The following MKLN1 variants were observed in gnomAD, a reference collection of about 807,000 sequenced individuals.
MKLN1 encodes muskelin.
In MKLN1, 18 loss-of-function variants were observed where a neutral mutation model predicts 99.0. The ratio of observed to expected loss-of-function variants is 0.18; its 90% CI spans 0.13 to 0.27. The LOEUF is 0.27. Among genes scored for constraint, MKLN1 ranks in the 10% least tolerant of loss-of-function variants. The pLI is 1.00. For missense variants in MKLN1, 621 were observed against 875.9 expected (o/e 0.71, Z 3.67); for synonymous variants, 288 against 293.2 (o/e 0.98, Z 0.18).
intron 1 of MKLN1, among the ~76,000 whole-genome samples, chr7:131,363,666 T>C (rs1800093766): frequency 6.6e-6 from 1 of 151,990 alleles, no homozygotes; most frequent in Non-Finnish European, 1.5e-5. Context: ...GAATAGACTT[T>C]TTCTTTATTT....
chr7:131,173,211 G>A (rs1297551324), intron 2 of MKLN1, among the ~76,000 whole-genome samples: 3 of 151,152 alleles, frequency 2.0e-5, no homozygotes, highest in Non-Finnish European at 4.4e-5. Context: ...TAGCTATCTG[G>A]GAGTGACGAA....
intron 17 of MKLN1, 38 bp downstream of exon 17, chr7:131,478,715 T>A (rs562009835): frequency 3.7e-6 from 6 of 1,604,488 alleles, no homozygotes; most frequent in African/African-American, 1.3e-5. Context: ...CTAGATGCCC[T>A]AGCATTTGGA....
intron 2 of MKLN1, among the ~76,000 whole-genome samples, chr7:131,193,528 A>C (rs745882938): frequency 1.3e-5 from 2 of 151,748 alleles, no homozygotes; most frequent in African/African-American, 2.4e-5. Flanking sequence ...CACCATGACG[A>C]GCCAAGTTGT....
At chr7:131,476,934 G>C (rs1012687736) in intron 16 of MKLN1, among the ~76,000 whole-genome samples, 1 of 152,202 alleles carries the variant, frequency 6.6e-6, no homozygotes, top group African/African-American at 2.4e-5. Flanking sequence ...AGACCCATAC[G>C]TATGTGGTCA....
intron 10 of MKLN1, among the ~76,000 whole-genome samples, chr7:131,439,865 AACACACACACAC>A (rs57399724): frequency 0.08 from 11,728 of 146,154 alleles, 542 homozygotes; most frequent in Middle Eastern, 0.19. Flanking sequence ...AAAAGATTTA[AACACACACACAC>A]ACACACACAC....
At chr7:131,371,781 T>TATAC (rs983329738) in intron 1 of MKLN1, among the ~76,000 whole-genome samples, 3 of 151,090 alleles carry the variant, frequency 2.0e-5, no homozygotes, top group Admixed American at 6.6e-5. Flanking sequence ...TATATATATA[T>TATAC]ACACTTAATT....
chr7:131,126,053 AATTAATT>A (rs1563223294), intron 1 of MKLN1, among the ~76,000 whole-genome samples: 2,714 of 78,544 alleles, frequency 0.035, 82 homozygotes, highest in African/African-American at 0.11. Context: ...TAAATAAATT[AATTAATT>A]AATAAATAAA....
chr7:131,441,204 T>C (rs1041798276), intron 10 of MKLN1, among the ~76,000 whole-genome samples: 2 of 152,192 alleles, frequency 1.3e-5, no homozygotes, highest in Non-Finnish European at 2.9e-5. Context: ...CTCATTGATA[T>C]TCTCACTGGG....
intron 2 of MKLN1, among the ~76,000 whole-genome samples, chr7:131,150,020 T>C (rs964496697): frequency 1.3e-5 from 2 of 152,180 alleles, no homozygotes; most frequent in African/African-American, 2.4e-5. Flanking sequence ...GGTTTCTGCC[T>C]GAGAGAGAGC....
chr7:131,142,551 C>T (rs1414487040), intron 1 of MKLN1, among the ~76,000 whole-genome samples: 2 of 151,422 alleles, frequency 1.3e-5, no homozygotes, highest in Admixed American at 6.6e-5. Flanking sequence ...CTGGTTAACA[C>T]GGTGAAACCT....
intron 3 of MKLN1, among the ~76,000 whole-genome samples, chr7:131,275,970 G>A (rs1169068737): frequency 6.6e-6 from 1 of 152,182 alleles, no homozygotes; most frequent in Non-Finnish European, 1.5e-5. Context: ...CGGCCCACTG[G>A]AGGAGCAGGG....
At chr7:131,180,247 C>T (rs555651106) in intron 2 of MKLN1, among the ~76,000 whole-genome samples, 5 of 152,154 alleles carry the variant, frequency 3.3e-5, no homozygotes, top group Non-Finnish European at 7.4e-5. Context: ...TGTCTGGCTC[C>T]AAATTATACC....
chr7:131,340,317 C>T (rs746594279), intron 1 of MKLN1, among the ~76,000 whole-genome samples: 6 of 110,686 alleles, frequency 5.4e-5, no homozygotes, highest in African/African-American at 7.2e-5. Flanking sequence ...CTCGCTTTGT[C>T]GCCCAGGCTG....
intron 11 of MKLN1, among the ~76,000 whole-genome samples, chr7:131,445,509 CCTT>C (rs1256553565): frequency 6.6e-6 from 1 of 151,934 alleles, no homozygotes. Context: ...CACAGATATT[CCTT>C]CTTCTCCATT....
chr7:131,409,189 A>G (rs1794796927), intron 6 of MKLN1, among the ~76,000 whole-genome samples: 1 of 152,202 alleles, frequency 6.6e-6, no homozygotes, highest in African/African-American at 2.4e-5. Flanking sequence ...ATAGATGAGA[A>G]TATCATTGTT....
intron 3 of MKLN1, among the ~76,000 whole-genome samples, chr7:131,313,761 G>T (rs934235969): frequency 6.6e-6 from 1 of 152,240 alleles, no homozygotes; most frequent in Non-Finnish European, 1.5e-5. Flanking sequence ...CTGTTTTCCA[G>T]TTGGATCACT....
chr7:131,308,573 TTTTTG>T (rs1247226899), intron 3 of MKLN1, among the ~76,000 whole-genome samples: 1 of 140,312 alleles, frequency 7.1e-6, no homozygotes, highest in East Asian at 2.1e-4. Context: ...AGGTAGGTTT[TTTTTG>T]TTTTGTTTTT....
chr7:131,394,229 A>G (rs1794289654), intron 4 of MKLN1, among the ~76,000 whole-genome samples: 1 of 152,070 alleles, frequency 6.6e-6, no homozygotes, highest in African/African-American at 2.4e-5. Context: ...GCATTCCTTC[A>G]TACATCCTTA....
chr7:131,212,076 A>G (rs1339205640), intron 3 of MKLN1, among the ~76,000 whole-genome samples: 1 of 152,192 alleles, frequency 6.6e-6, no homozygotes, highest in Non-Finnish European at 1.5e-5. Flanking sequence ...CTCTCCACCA[A>G]TTGAAGCTGT....
Sources: gnomAD v4.1 joint callset for allele counts (sites outside exome capture counted in the v4.1 genomes callset) on GRCh38, gnomAD v4.1.1 for gene constraint, MANE v1.5 for transcripts, NCBI Gene and HGNC (gene_info 2026-07-23, HGNC 2026-07-21) for gene names.